The following ANKRD46 variants were observed in gnomAD, a reference collection of about 807,000 sequenced individuals.
The protein encoded by ANKRD46 is ankyrin repeat domain-containing protein 46.
ANKRD46 carries 13 observed loss-of-function variants against 19.8 expected under a neutral mutation model. That is an observed-to-expected ratio of 0.66 (90% CI 0.43 to 1.04). ANKRD46 has a LOEUF of 1.04. ANKRD46 is among the 50% of genes least tolerant of loss of function. ANKRD46 has a pLI of 0.00. For missense variants in ANKRD46, 185 were observed against 274.8 expected (o/e 0.67, Z 2.31); for synonymous variants, 91 against 106.9 (o/e 0.85, Z 0.92).
chr8:100,533,089 C>G (rs1194967784), intron 2 of ANKRD46, 120 bp downstream of exon 2: 1 of 152,162 alleles, frequency 6.6e-6, no homozygotes, highest in East Asian at 1.9e-4. Flanking sequence ...AACTTAATCC[C>G]ACATTTAATA....
intron 5 of ANKRD46, among the ~76,000 whole-genome samples, chr8:100,515,255 A>G (rs1002312150): frequency 6.6e-6 from 1 of 152,214 alleles, no homozygotes; most frequent in Non-Finnish European, 1.5e-5. Context: ...TAAGAAAAGT[A>G]CTGTGACTAG....
Position 100,532,760 on chromosome 8 carries a change from T to G in ANKRD46, c.-28+449A>C, listed in dbSNP as rs1340765389. Among the ~76,000 whole-genome samples the G allele has an allele frequency of 6.6e-6, 1 of 152,218 alleles. No homozygotes were observed. The highest frequency in any genetic ancestry group is 1.5e-5 in the Non-Finnish European group (1 of 68,032). Reference sequence around the variant, plus strand: ...TGTGTTGGGCTACATTCAAAGCTGTTCTGGGCTGCAGGTTGGACAAGCTTG... The same window carrying G: ...TGTGTTGGGCTACATTCAAAGCTGTGCTGGGCTGCAGGTTGGACAAGCTTG... On this transcript the variant is annotated intron_variant, in intron 2 of 4. Transcript: ENST00000335659. This position sits in a 1 kb window ranked among gnomAD's most constrained non-coding sequence, Gnocchi z 4.7.
Position 100,511,853 on chromosome 8 carries a change from C to CAT in ANKRD46, c.637-1216_637-1215dup, listed in dbSNP as rs1211562474. ...AGCCTGGCCAACAATGGTGAAACGC[C>CAT]ATCTCTACTAAAAATACAAAAATTA... is the stretch of plus-strand genomic sequence containing the variant. On this transcript the variant is annotated intron_variant, in intron 5 of 5. Transcript: ENST00000520552. The surrounding 1 kb of genome is among the most constrained non-coding windows in gnomAD (Gnocchi z 4.1). Among the ~76,000 whole-genome samples the CAT allele has an allele frequency of 1.3e-5, 2 of 152,144 alleles. No individual in the cohort carries two copies. The highest frequency in any genetic ancestry group is 3.9e-4 in the East Asian group (2 of 5,190).
rs775036561 is a variant in ANKRD46 at position 100,545,601 on chromosome 8, T to C, written c.-130-12290A>G. ...TTATAGCAGTGTGAAAACAGACTAA[T>C]ACAGAGAATTAGTACCAGGAGTAGG... On this transcript the variant is annotated intron_variant, in intron 1 of 4. Coordinates refer to ENST00000335659, the MANE Select transcript of ANKRD46 (RefSeq NM_001270377.2). This position sits in a 1 kb window ranked among gnomAD's most constrained non-coding sequence, Gnocchi z 4.7. Among the ~76,000 whole-genome samples, 1 of 152,096 alleles carries C rather than the reference T, an allele frequency of 6.6e-6. No individual in the cohort carries two copies. Among genetic ancestry groups the C allele is most frequent in the Non-Finnish European group, 1.5e-5 (1 of 68,022 alleles).
rs1811860430 is a variant in ANKRD46, at chr8:100,527,299, T to G, written c.470+546A>C. Among the ~76,000 whole-genome samples, 1 of 152,224 alleles carries G rather than the reference T, an allele frequency of 6.6e-6. No individual in the cohort carries two copies. Among genetic ancestry groups the G allele is most frequent in the East Asian group, 1.9e-4 (1 of 5,202 alleles). ...AACTGTGCATGTGTTAAATACTATCTTGCTTTCCCTCTCTTGTTTTCTTGT... is the reference window on the plus strand; with the variant it reads ...AACTGTGCATGTGTTAAATACTATCGTGCTTTCCCTCTCTTGTTTTCTTGT... On this transcript the variant is annotated intron_variant, in intron 4 of 4. Coordinates refer to ENST00000335659, the MANE Select transcript of ANKRD46 (RefSeq NM_001270377.2). The surrounding 1 kb of genome is among the most constrained non-coding windows in gnomAD (Gnocchi z 4.0).
At chr8:100,538,567 T>C (rs1221646814) in intron 1 of ANKRD46, among the ~76,000 whole-genome samples, 2 of 152,086 alleles carry the variant, frequency 1.3e-5, no homozygotes, top group Non-Finnish European at 1.5e-5. Context: ...CCTGAAACCA[T>C]CCCTCTTCAA....
rs1811986967 is a variant in ANKRD46, at chr8:100,532,559, T to G, written c.-28+650A>C. ...TCAATAAAATAGTCAAGAATTCTTT[T>G]GCGAGGGTAATCTAAATATTTTCCC... On this transcript the variant is annotated intron_variant, in intron 2 of 4. Coordinates refer to ENST00000335659, the MANE Select transcript of ANKRD46 (RefSeq NM_001270377.2). This position sits in a 1 kb window ranked among gnomAD's most constrained non-coding sequence, Gnocchi z 4.7. 1 of 152,180 alleles carries G rather than the reference T, an allele frequency of 6.6e-6. No individual in the cohort carries two copies. Among genetic ancestry groups the G allele is most frequent in the Non-Finnish European group, 1.5e-5 (1 of 68,026 alleles). 9.4% of individuals were successfully genotyped at this position (152,180 alleles called of 1,614,324 possible).
intron 1 of ANKRD46, among the ~76,000 whole-genome samples, chr8:100,541,910 T>C (rs900686972): frequency 1.3e-5 from 2 of 152,184 alleles, no homozygotes; most frequent in South Asian, 2.1e-4. Context: ...TAACATGCTG[T>C]ATAGGGTTGT....
chr8:100,522,517 A>T lies in ANKRD46; in HGVS notation c.*38T>A. 1 of 1,607,926 alleles carries T rather than the reference A, an allele frequency of 6.2e-7. No individual in the cohort carries two copies. Among genetic ancestry groups the T allele is most frequent in the Non-Finnish European group, 8.5e-7 (1 of 1,176,002 alleles). Reference sequence around the variant, plus strand: ...CTGAGAACAAACATTGGAAGCCAGGAAACAGGCAATTAATTGCCTCATCTT... The same window carrying T: ...CTGAGAACAAACATTGGAAGCCAGGTAACAGGCAATTAATTGCCTCATCTT... On this transcript the variant is annotated 3_prime_UTR_variant, in exon 5 of 5. Transcript: ENST00000335659.
At chr8:100,547,175 C>T (rs1812289695) in intron 1 of ANKRD46, among the ~76,000 whole-genome samples, 1 of 152,018 alleles carries the variant, frequency 6.6e-6, no homozygotes, top group African/African-American at 2.4e-5. Context: ...TGGGAGGGGC[C>T]AGGAGCAGAA....
chr8:100,529,570 C>T lies in ANKRD46; in HGVS notation c.264G>A (p.Val88=). ...GNTALHLCGH[V]DTIQFLVSNG... ...TGGAAACCAAAAATTGGATAGTATC[C>T]ACATGGCCACAGAGGTGAAGAGCTG... Residue 88 remains valine, a synonymous_variant, in exon 3 of 5, where the codon GTG becomes GTA. Transcript: ENST00000335659. This position sits in a 1 kb window ranked among gnomAD's most constrained non-coding sequence, Gnocchi z 5.8. 3.1e-6 allele frequency: 5 copies of T among 1,614,188 alleles called. No individual in the cohort carries two copies. Among genetic ancestry groups the T allele is most frequent in the Non-Finnish European group, 4.2e-6 (5 of 1,180,022 alleles).
Position 100,521,912 on chromosome 8 carries a change from CA to C in ANKRD46, c.*642del, listed in dbSNP as rs1811731698. On this transcript the variant is annotated 3_prime_UTR_variant, in exon 5 of 5. Transcript: ENST00000335659. ...CAAGCAAAGCAGTTTACAAAAAGATCAAAAATTATCCTAAAAACAAATAAAT... is the reference window on the plus strand; with the variant it reads ...CAAGCAAAGCAGTTTACAAAAAGATCAAAATTATCCTAAAAACAAATAAAT... 1.0e-6 allele frequency: 1 copy of C among 983,400 alleles called. No individual in the cohort carries two copies. The highest frequency in any genetic ancestry group is 1.8e-5 in the African/African-American group (1 of 57,112). The allele number at this position is 983,400 out of a possible 1,614,324, so 60.9% of individuals were successfully genotyped here. A position where few individuals can be genotyped will look rare whatever the true frequency, so the allele number is the denominator to read the frequency against.
At chr8:100,539,382 C>T (rs1812129669) in intron 1 of ANKRD46, among the ~76,000 whole-genome samples, 1 of 152,094 alleles carries the variant, frequency 6.6e-6, no homozygotes. Context: ...AAAGGAGGAA[C>T]TAAGAACACT....
chr8:100,540,114 G>GT (rs1213653962), intron 1 of ANKRD46, among the ~76,000 whole-genome samples: 1 of 151,778 alleles, frequency 6.6e-6, no homozygotes, highest in African/African-American at 2.4e-5. Flanking sequence ...AGTTCTAAGT[G>GT]TTTTTCCTAT....
At position 100,522,424 on chromosome 8, in the gene ANKRD46, A is replaced by G. The variant is rs1798842411; in HGVS notation, c.*131T>C. On this transcript the variant is annotated 3_prime_UTR_variant, in exon 5 of 5. Coordinates refer to ENST00000335659, the MANE Select transcript of ANKRD46 (RefSeq NM_001270377.2). ...ACACATCATTATCTAAAAGGATTAC[A>G]ATAATTAAAAATGCAAAAAGAACAT... The G allele has an allele frequency of 6.9e-7, 1 of 1,451,550 alleles. No homozygotes were observed. The allele number at this position is 1,451,550 out of a possible 1,614,324, so 89.9% of individuals were successfully genotyped here.
Position 100,543,356 on chromosome 8 carries a change from A to G in ANKRD46, c.-130-10045T>C, listed in dbSNP as rs1482339170. The stretch of plus-strand genomic sequence containing the variant: ...TTTAATATTTTGCGATTTGTTCTAT[A>G]ACAAATACTAAGGAAACTGGGAATA... On this transcript the variant is annotated intron_variant, in intron 1 of 4. Coordinates refer to ENST00000335659, the MANE Select transcript of ANKRD46 (RefSeq NM_001270377.2). This position sits in a 1 kb window ranked among gnomAD's most constrained non-coding sequence, Gnocchi z 4.2. Among the ~76,000 whole-genome samples the G allele has an allele frequency of 6.6e-6, 1 of 152,224 alleles. No homozygotes were observed. The highest frequency in any genetic ancestry group is 2.4e-5 in the African/African-American group (1 of 41,450).
chr8:100,510,543 T>C lies in ANKRD46; in HGVS notation c.*34A>G. On this transcript the variant is annotated 3_prime_UTR_variant, in exon 6 of 6. Coordinates refer to the ANKRD46 transcript ENST00000520552. The surrounding 1 kb of genome is among the most constrained non-coding windows in gnomAD (Gnocchi z 4.9). ...TCTGTATCCCTTCTTTCTTGCCTTC[T>C]GAGGCTCAGGAGCACAGGACACTGA... 6.6e-7 allele frequency: 1 copy of C among 1,526,120 alleles called. No homozygotes were observed. The highest frequency in any genetic ancestry group is 8.8e-7 in the Non-Finnish European group (1 of 1,140,906). 94.5% of individuals were successfully genotyped at this position (1,526,120 alleles called of 1,614,324 possible). A position where few individuals can be genotyped will look rare whatever the true frequency, so the allele number is the denominator to read the frequency against.
intron 1 of ANKRD46, among the ~76,000 whole-genome samples, chr8:100,549,850 A>C (rs1258309135): frequency 1.3e-5 from 2 of 152,180 alleles, no homozygotes; most frequent in Non-Finnish European, 2.9e-5. Flanking sequence ...CTGCCTATTC[A>C]TCCCTCTCTC....
At position 100,537,282 on chromosome 8, in the gene ANKRD46, C is replaced by T. The variant is rs990201125; in HGVS notation, c.-130-3971G>A. On this transcript the variant is annotated intron_variant, in intron 1 of 4. Coordinates refer to ENST00000335659, the MANE Select transcript of ANKRD46 (RefSeq NM_001270377.2). The surrounding 1 kb of genome is among the most constrained non-coding windows in gnomAD (Gnocchi z 4.2). ...TTTGGAAAGGGAAGACTAAGTACCA[C>T]ATTCTTGCTTCAAATGGACTGACTA... Among the ~76,000 whole-genome samples the T allele has an allele frequency of 2.6e-5, 4 of 152,172 alleles. No individual in the cohort carries two copies. The highest frequency in any genetic ancestry group is 9.7e-5 in the African/African-American group (4 of 41,444).
Sources: allele counts gnomAD v4.1 joint callset (sites outside exome capture counted in the v4.1 genomes callset), GRCh38; gene constraint gnomAD v4.1.1; non-coding constraint Gnocchi (gnomAD v3.1); transcripts MANE v1.5; gene names NCBI Gene and HGNC (gene_info 2026-07-23, HGNC 2026-07-21).